FUT8: variants seen among roughly 807,000 people sequenced by gnomAD.
FUT8 encodes the protein alpha-(1,6)-fucosyltransferase.
A neutral mutation model predicts 71.3 loss-of-function variants in FUT8; 29 were observed. The observed-to-expected ratio is 0.41, with a 90% CI of 0.30 to 0.55. FUT8 has a LOEUF of 0.55. FUT8 is among the 20% of genes least tolerant of loss of function. The pLI, the probability that FUT8 is intolerant of heterozygous loss-of-function variation, is 0.34. For missense variants in FUT8, 544 were observed against 702.1 expected (o/e 0.77, Z 2.55); for synonymous variants, 254 against 239.3 (o/e 1.06, Z -0.57).
At chr14:65,446,327 C>T (rs746774258) in intron 1 of FUT8, among the ~76,000 whole-genome samples, 1 of 152,152 alleles carries the variant, frequency 6.6e-6, no homozygotes, top group Non-Finnish European at 1.5e-5. Flanking sequence ...GATTCAGAGG[C>T]TTGATCCTAA....
chr14:65,364,095 T>G, the FUT8 span, among the ~76,000 whole-genome samples: 2 of 152,160 alleles, frequency 1.3e-5, no homozygotes, highest in African/African-American at 4.8e-5. Context: ...GACCACAAAT[T>G]TACTTTGCCT....
chr14:65,701,289 A>G (rs1266331610), intron 7 of FUT8, among the ~76,000 whole-genome samples: 1 of 152,178 alleles, frequency 6.6e-6, no homozygotes, highest in Admixed American at 6.5e-5. Context: ...GAGGAAATAT[A>G]TTTAAGGACG....
chr14:65,738,645 G>C (rs1413231714), intron 10 of FUT8, among the ~76,000 whole-genome samples: 1 of 152,066 alleles, frequency 6.6e-6, no homozygotes, highest in Admixed American at 6.5e-5. Context: ...TCAGCTGCAA[G>C]CCTTCATTTA....
Position 65,474,441 on chromosome 14 carries a change from G to GAAAAAAAAAAAA in FUT8, c.-228+18728_-228+18739dup, listed in dbSNP as rs398025445. On this transcript the variant is annotated intron_variant, in intron 2 of 10. Transcript: ENST00000673929. ...AACATGGTGAAAACCTGTCTCTACT[G>GAAAAAAAAAAAA]AAAAAAAAAAAAAAAAGCCAGGCGT... 1.3e-3 allele frequency among the ~76,000 whole-genome samples: 51 copies of GAAAAAAAAAAAA among 39,672 alleles called. 7 individuals are homozygous for GAAAAAAAAAAAA. The highest frequency in any genetic ancestry group is 3.3e-3 in the African/African-American group (32 of 9,748). 26.0% of individuals were successfully genotyped at this position (39,672 alleles called of 152,430 possible). A position where few individuals can be genotyped will look rare whatever the true frequency, so the allele number is the denominator to read the frequency against.
At chr14:65,511,183 A>G (rs1882316192) in intron 2 of FUT8, among the ~76,000 whole-genome samples, 1 of 152,058 alleles carries the variant, frequency 6.6e-6, no homozygotes, top group South Asian at 2.1e-4. Flanking sequence ...TTCAGGGGCA[A>G]ATCATTTAAT....
chr14:65,508,335 G>T (rs1186646670), intron 2 of FUT8, among the ~76,000 whole-genome samples: 1 of 151,676 alleles, frequency 6.6e-6, no homozygotes, highest in Non-Finnish European at 1.5e-5. Flanking sequence ...CTCCCAAAGT[G>T]CTAGGATTAC....
intron 2 of FUT8, among the ~76,000 whole-genome samples, chr14:65,460,287 CA>C (rs927579606): frequency 1.4e-4 from 21 of 152,298 alleles, no homozygotes; most frequent in African/African-American, 4.6e-4. Context: ...GTTTAGCAAA[CA>C]GCCTAGGAAG....
At chr14:65,544,247 A>G (rs995199699) in intron 2 of FUT8, among the ~76,000 whole-genome samples, 4 of 152,188 alleles carry the variant, frequency 2.6e-5, no homozygotes, top group African/African-American at 7.2e-5. Flanking sequence ...AGGGAAAGAT[A>G]ATAACTAATA....
chr14:65,679,831 C>T (rs1383095171), intron 7 of FUT8, among the ~76,000 whole-genome samples: 1 of 152,150 alleles, frequency 6.6e-6, no homozygotes, highest in South Asian at 2.1e-4. Flanking sequence ...TAAAAAAGGG[C>T]TTGACAAACT....
intron 2 of FUT8, among the ~76,000 whole-genome samples, chr14:65,466,296 T>C (rs1375078674): frequency 1.3e-5 from 2 of 152,230 alleles, no homozygotes; most frequent in Non-Finnish European, 2.9e-5. Context: ...TTGATATAGT[T>C]GGATTAATGT....
chr14:65,716,849 G>T (rs1231866147), intron 7 of FUT8, among the ~76,000 whole-genome samples: 2 of 142,420 alleles, frequency 1.4e-5, no homozygotes, highest in Non-Finnish European at 3.2e-5. Context: ...CTTCCCAGAC[G>T]GGGCGGCCGG....
At chr14:65,460,633 G>A (rs1265524301) in intron 2 of FUT8, among the ~76,000 whole-genome samples, 1 of 152,100 alleles carries the variant, frequency 6.6e-6, no homozygotes, top group African/African-American at 2.4e-5. Context: ...TAGCTTACCA[G>A]CTACACTACT....
At chr14:65,633,781 C>T (rs1210008415) in intron 6 of FUT8, among the ~76,000 whole-genome samples, 3 of 151,616 alleles carry the variant, frequency 2.0e-5, no homozygotes, top group Non-Finnish European at 4.4e-5. Flanking sequence ...CCCCTCCGCC[C>T]GGCAGCCACC....
intron 2 of FUT8, among the ~76,000 whole-genome samples, chr14:65,544,154 G>A (rs1884851512): frequency 6.6e-6 from 1 of 152,168 alleles, no homozygotes; most frequent in African/African-American, 2.4e-5. Flanking sequence ...GGAAGGAATA[G>A]CAAGAACAAA....
chr14:65,719,945 G>C (rs1300283386), intron 7 of FUT8, among the ~76,000 whole-genome samples: 1 of 152,206 alleles, frequency 6.6e-6, no homozygotes, highest in Admixed American at 6.5e-5. Flanking sequence ...CCAAGGCCCA[G>C]TGTAACCCCT....
At chr14:65,419,235 G>A (rs1364738409) in intron 1 of FUT8, among the ~76,000 whole-genome samples, 1 of 151,886 alleles carries the variant, frequency 6.6e-6, no homozygotes, top group Non-Finnish European at 1.5e-5. Flanking sequence ...ACTCCAGCCT[G>A]GACAACAAGA....
intron 2 of FUT8, among the ~76,000 whole-genome samples, chr14:65,553,382 A>G (rs2411814): frequency 0.069 from 10,561 of 152,124 alleles, 677 homozygotes; most frequent in East Asian, 0.19. Context: ...TTACATCTAC[A>G]TATATTATAA....
chr14:65,468,085 AG>A, intron 2 of FUT8: 1 of 638,264 alleles, frequency 1.6e-6, no homozygotes, highest in South Asian at 1.6e-5. Flanking sequence ...CAATACCAAC[AG>A]CATGCTGAGT....
intron 2 of FUT8, chr14:65,468,214 C>T: frequency 1.6e-6 from 1 of 627,676 alleles, no homozygotes; most frequent in Non-Finnish European, 3.0e-6. Flanking sequence ...AGTACCCATT[C>T]CCTTGATGTC....
Sources: allele counts gnomAD v4.1 joint callset (sites outside exome capture counted in the v4.1 genomes callset), GRCh38; gene constraint gnomAD v4.1.1; transcripts MANE v1.5; gene names NCBI Gene and HGNC (gene_info 2026-07-23, HGNC 2026-07-21).